TTC21B: variants seen among roughly 807,000 people sequenced by gnomAD.
TTC21B encodes the protein tetratricopeptide repeat protein 21B.
TTC21B carries 127 observed loss-of-function variants against 175.1 expected under a neutral mutation model. That is an observed-to-expected ratio of 0.73 (90% CI 0.63 to 0.84). The LOEUF (loss-of-function observed/expected upper bound fraction) is 0.84, where lower values mean the gene tolerates loss of function less well. Among genes scored for constraint, TTC21B ranks in the 40% least tolerant of loss-of-function variants. The probability of loss-of-function intolerance (pLI) is 0.00; values close to 1 mark genes in which losing one functional copy is unlikely to be tolerated. For synonymous variants in TTC21B, 524 were observed against 524.5 expected (o/e 1.00, Z 0.01); for missense variants, 1,561 against 1,558.3 (o/e 1.00, Z -0.03).
At chr2:165,933,292 T>C (rs1686980899) in intron 6 of TTC21B, among the ~76,000 whole-genome samples, 1 of 152,202 alleles carries the variant, frequency 6.6e-6, no homozygotes, top group Non-Finnish European at 1.5e-5. Context: ...TATACTAGTC[T>C]CATTAAATCT....
intron 6 of TTC21B, among the ~76,000 whole-genome samples, chr2:165,935,871 G>T (rs1687118140): frequency 6.6e-6 from 1 of 152,110 alleles, no homozygotes; most frequent in African/African-American, 2.4e-5. Flanking sequence ...GACAATACAA[G>T]ATGTTAGTTC....
At chr2:165,945,078 T>G (rs944889375) in intron 4 of TTC21B, among the ~76,000 whole-genome samples, 4 of 152,252 alleles carry the variant, frequency 2.6e-5, no homozygotes, top group Non-Finnish European at 5.9e-5. Context: ...TTTCTCACAA[T>G]ATTAGCTGGG....
Position 165,902,748 on chromosome 2 carries a change from A to G in TTC21B, c.2569-838T>C, listed in dbSNP as rs191953835. Among the ~76,000 whole-genome samples the G allele has an allele frequency of 8.7e-4, 133 of 152,340 alleles. 1 individual carries two copies. The highest frequency in any genetic ancestry group is 2.9e-3 in the African/African-American group (120 of 41,572). ...TTTTTGCATAGCTATACACATATAT[A>G]CACATTCATGCATGTGCTCCTAGTA... On this transcript the variant is annotated intron_variant, in intron 19 of 28. Transcript: ENST00000243344.
Position 165,899,845 on chromosome 2 carries a change from T to C in TTC21B, c.2793A>G (p.Gln931=). ...MLELARLYLA[Q]DDPDSCLRQC... The stretch of plus-strand genomic sequence containing the variant: ...GCCGCAGGCAGGAATCAGGGTCATC[T>C]TGTGCCAGGTATAATCGTGCCAGTT... Residue 931 remains glutamine, a synonymous_variant, in exon 21 of 29, where the codon CAA becomes CAG. Transcript: ENST00000243344. 6.2e-7 allele frequency: 1 copy of C among 1,614,024 alleles called. No homozygotes were observed. Among genetic ancestry groups the C allele is most frequent in the South Asian group, 1.1e-5 (1 of 91,084 alleles).
chr2:165,930,339 TGAA>T lies in TTC21B; in HGVS notation c.917_919del (p.Leu306del). ...TCTCTCAAGTAACGTTTGAATTTTT[TGAA>T]GAATAAGTTGACTACGTCCACACTA... On this transcript the variant is annotated inframe_deletion, in exon 9 of 29. Transcript: ENST00000243344. The T allele has an allele frequency of 1.2e-6, 2 of 1,612,198 alleles. No homozygotes were observed. Among genetic ancestry groups the T allele is most frequent in the Non-Finnish European group, 1.7e-6 (2 of 1,178,888 alleles).
chr2:165,910,695 C>G (rs1241838816), intron 18 of TTC21B, among the ~76,000 whole-genome samples: 4 of 151,838 alleles, frequency 2.6e-5, no homozygotes, highest in Non-Finnish European at 5.9e-5. Context: ...ATAAAATTTC[C>G]TAGAAGAAAA....
At chr2:165,951,437 T>A (rs1052532006) in intron 1 of TTC21B, among the ~76,000 whole-genome samples, 3 of 152,192 alleles carry the variant, frequency 2.0e-5, no homozygotes, top group Non-Finnish European at 4.4e-5. Context: ...GCATCCCATA[T>A]GTTAATGGAA....
intron 21 of TTC21B, among the ~76,000 whole-genome samples, chr2:165,899,004 T>A (rs190992556): frequency 6.6e-6 from 1 of 152,250 alleles, no homozygotes; most frequent in Non-Finnish European, 1.5e-5. Flanking sequence ...AATTGTATTT[T>A]TAGCAAAAAA....
chr2:165,888,478 T>G lies in TTC21B; in HGVS notation c.3264-4A>C. On this transcript the variant is annotated splice_region_variant and splice_polypyrimidine_tract_variant and intron_variant, in intron 24 of 28. Transcript: ENST00000243344. Reference sequence around the variant, plus strand: ...TTCTTGCTTCTCAGTTGAATTACTGTATATAATTAAAAATAAATCACTTCT... The same window carrying G: ...TTCTTGCTTCTCAGTTGAATTACTGGATATAATTAAAAATAAATCACTTCT... 4 of 1,605,228 alleles carry G rather than the reference T, an allele frequency of 2.5e-6. No homozygotes were observed. The highest frequency in any genetic ancestry group is 3.4e-6 in the Non-Finnish European group (4 of 1,172,958).
chr2:165,890,577 C>A lies in TTC21B; in HGVS notation c.3165G>T (p.Trp1055Cys), dbSNP rs1685154287. ...TCATATTATAAAGGGCATTTTGGCC[C>A]CAGTCACGATCTTTCCGAGCTTTAT... is the stretch of plus-strand genomic sequence containing the variant. ...HFNKARKDRD[W>C]GQNALYNMIE... is the part of the protein sequence containing the mutation. The change falls in exon 24 of 29, where the codon TGG becomes TGT. Residue 1055 changes from tryptophan (W) to cysteine (C), a missense_variant. Physicochemically the swap from Trp to Cys is radical, Grantham distance 215. Transcript: ENST00000243344. 5 of 1,613,678 alleles carry A rather than the reference C, an allele frequency of 3.1e-6. No individual in the cohort carries two copies. The highest frequency in any genetic ancestry group is 3.4e-6 in the Non-Finnish European group (4 of 1,179,750).
chr2:165,941,224 T>A (rs1281855190), intron 5 of TTC21B, 40 bp from the exon 6 acceptor site: 1 of 1,610,432 alleles, frequency 6.2e-7, no homozygotes, highest in Non-Finnish European at 8.5e-7. Context: ...AACTGTGATC[T>A]TTCATATCAA....
At chr2:165,907,216 A>G (rs1685770120) in intron 19 of TTC21B, among the ~76,000 whole-genome samples, 1 of 152,148 alleles carries the variant, frequency 6.6e-6, no homozygotes, top group South Asian at 2.1e-4. Flanking sequence ...AGTATATTTG[A>G]TAATAATTCA....
chr2:165,950,887 C>T lies in TTC21B; in HGVS notation c.22-1163G>A, dbSNP rs988734781. 7.2e-5 allele frequency among the ~76,000 whole-genome samples: 11 copies of T among 152,278 alleles called. No homozygotes were observed. The South Asian group carries it at 1.7e-3, about 23-fold the overall frequency. ...CCTCCCAAAGTGCTGAGATTACAGGCGTGAGCCACCACGCCCGTCCGACAG... is the reference window on the plus strand; with the variant it reads ...CCTCCCAAAGTGCTGAGATTACAGGTGTGAGCCACCACGCCCGTCCGACAG... On this transcript the variant is annotated intron_variant, in intron 1 of 28. Coordinates refer to ENST00000243344, the MANE Select transcript of TTC21B (RefSeq NM_024753.5).
intron 6 of TTC21B, among the ~76,000 whole-genome samples, chr2:165,939,028 T>G (rs1040480605): frequency 6.6e-6 from 1 of 152,184 alleles, no homozygotes; most frequent in Non-Finnish European, 1.5e-5. Context: ...TTTCAACACA[T>G]CTTGTGATAT....
chr2:165,890,750 T>A (rs1685159987), intron 23 of TTC21B, 88 bp downstream of exon 23: 1 of 1,375,148 alleles, frequency 7.3e-7, no homozygotes, highest in Non-Finnish European at 1.0e-6. Context: ...GAAATGTACA[T>A]TTTTTTTTAC....
intron 11 of TTC21B, 92 bp from the exon 12 acceptor site, chr2:165,924,770 G>A: frequency 7.2e-7 from 1 of 1,384,046 alleles, no homozygotes; most frequent in Non-Finnish European, 9.8e-7. Context: ...AACTAACCAA[G>A]CTATATACAT....
chr2:165,918,825 C>T (rs1686280682), intron 13 of TTC21B, among the ~76,000 whole-genome samples: 2 of 152,128 alleles, frequency 1.3e-5, no homozygotes, highest in African/African-American at 2.4e-5. Context: ...CACAAAATTA[C>T]TTTCAAAATG....
chr2:165,953,578 G>C (rs1687825948), intron 1 of TTC21B, 107 bp downstream of exon 1: 1 of 1,515,092 alleles, frequency 6.6e-7, no homozygotes, highest in African/African-American at 1.4e-5. Context: ...CAGGGAAACA[G>C]CGGCCTAGCG....
chr2:165,881,760 T>C (rs1319126742), intron 26 of TTC21B, among the ~76,000 whole-genome samples: 2 of 152,148 alleles, frequency 1.3e-5, no homozygotes, highest in African/African-American at 4.8e-5. Context: ...TGTATATTTC[T>C]TAATTGTAAT....
Sources: allele counts gnomAD v4.1 joint callset (sites outside exome capture counted in the v4.1 genomes callset), GRCh38; gene constraint gnomAD v4.1.1; transcripts MANE v1.5; gene names NCBI Gene and HGNC (gene_info 2026-07-23, HGNC 2026-07-21).